The following VAV3 variants were observed in gnomAD, a reference collection of about 807,000 sequenced individuals.
VAV3 encodes guanine nucleotide exchange factor VAV3.
In VAV3, 94 loss-of-function variants were observed where a neutral mutation model predicts 131.2. The ratio of observed to expected loss-of-function variants is 0.72; its 90% CI spans 0.61 to 0.85. The LOEUF is 0.85. Ranked by LOEUF, VAV3 falls within the 40% of genes least tolerant of loss-of-function variation. The pLI is 0.00. For missense variants in VAV3, 939 were observed against 1,002.7 expected (o/e 0.94, Z 0.86); for synonymous variants, 349 against 342.0 (o/e 1.02, Z -0.22).
intron 3 of VAV3, chr1:107,777,892 A>G (rs1396001586): frequency 1.3e-5 from 2 of 152,448 alleles, no homozygotes; most frequent in Non-Finnish European, 2.9e-5. Context: ...AAATGAGTCA[A>G]CCAGACCTTG....
At chr1:107,804,440 CA>C (rs1376759893) in intron 2 of VAV3, among the ~76,000 whole-genome samples, 1 of 152,012 alleles carries the variant, frequency 6.6e-6, no homozygotes, top group African/African-American at 2.4e-5. Flanking sequence ...ATGAGGCTTA[CA>C]AAAAAATCTT....
chr1:107,587,715 C>T (rs1184243741), intron 25 of VAV3, among the ~76,000 whole-genome samples: 1 of 152,124 alleles, frequency 6.6e-6, no homozygotes, highest in Non-Finnish European at 1.5e-5. Context: ...CTCGGCCTCC[C>T]GAGTAGCTGG....
chr1:107,658,666 T>C (rs1171236383), intron 19 of VAV3, among the ~76,000 whole-genome samples: 4 of 152,208 alleles, frequency 2.6e-5, no homozygotes, highest in South Asian at 4.2e-4. Context: ...TGGTATCTTA[T>C]TGTGGTTTTG....
intron 11 of VAV3, among the ~76,000 whole-genome samples, chr1:107,756,378 T>C (rs1439303623): frequency 1.1e-4 from 17 of 152,164 alleles, no homozygotes; most frequent in Non-Finnish European, 2.5e-4. Context: ...AGTCTGACTT[T>C]TCATAGGATA....
intron 2 of VAV3, among the ~76,000 whole-genome samples, chr1:107,856,331 A>G (rs1391112155): frequency 6.6e-6 from 1 of 152,184 alleles, no homozygotes; most frequent in East Asian, 1.9e-4. Context: ...TAATATTCTT[A>G]GTAGTTGGGA....
At chr1:107,632,441 T>C (rs1221990261) in intron 20 of VAV3, among the ~76,000 whole-genome samples, 3 of 152,180 alleles carry the variant, frequency 2.0e-5, no homozygotes, top group Non-Finnish European at 2.9e-5. Context: ...ACCAAAGCCA[T>C]ATAGCTATTT....
chr1:107,725,467 C>A (rs1661784227), intron 15 of VAV3, among the ~76,000 whole-genome samples: 1 of 152,122 alleles, frequency 6.6e-6, no homozygotes, highest in Admixed American at 6.5e-5. Context: ...TAAGCATTTA[C>A]CGGCTTTTGA....
intron 13 of VAV3, among the ~76,000 whole-genome samples, chr1:107,750,099 A>G (rs911050040): frequency 3.9e-5 from 6 of 152,186 alleles, no homozygotes; most frequent in African/African-American, 1.4e-4. Context: ...CATTTTATTG[A>G]GGAGGAAACT....
chr1:107,741,375 C>T (rs1050672825), intron 15 of VAV3, among the ~76,000 whole-genome samples: 6 of 152,124 alleles, frequency 3.9e-5, no homozygotes, highest in Non-Finnish European at 7.4e-5. Context: ...GCACTCTGTC[C>T]GGCCTGACTA....
intron 1 of VAV3, among the ~76,000 whole-genome samples, chr1:107,886,001 C>T (rs1357791332): frequency 6.6e-6 from 1 of 152,092 alleles, no homozygotes; most frequent in East Asian, 1.9e-4. Flanking sequence ...AGTGGCTGAA[C>T]TGAACATCCA....
chr1:107,733,344 C>T (rs775114133), intron 15 of VAV3, among the ~76,000 whole-genome samples: 3 of 152,214 alleles, frequency 2.0e-5, no homozygotes, highest in African/African-American at 7.2e-5. Flanking sequence ...TCCAAAGGAT[C>T]GCAGCTCCTC....
At chr1:107,956,064 G>A (rs946834684) in intron 1 of VAV3, among the ~76,000 whole-genome samples, 8 of 152,222 alleles carry the variant, frequency 5.3e-5, no homozygotes, top group East Asian at 1.9e-4. Context: ...GAAGAGCATC[G>A]GGGTAAGAGT....
intron 15 of VAV3, among the ~76,000 whole-genome samples, chr1:107,711,844 C>T (rs534345667): frequency 2.6e-5 from 4 of 152,094 alleles, no homozygotes; most frequent in African/African-American, 9.6e-5. Flanking sequence ...CACTAGCATG[C>T]CTGGCCAATT....
intron 6 of VAV3, 28 bp from the exon 7 acceptor site, chr1:107,768,537 A>G (rs751817595): frequency 3.8e-6 from 6 of 1,564,896 alleles, no homozygotes; most frequent in South Asian, 1.1e-5. Context: ...GAAAATAGTA[A>G]TTAAGTATAA....
intron 2 of VAV3, among the ~76,000 whole-genome samples, chr1:107,822,718 G>A (rs902456165): frequency 4.6e-5 from 7 of 151,416 alleles, no homozygotes; most frequent in South Asian, 4.2e-4. Context: ...TGATCTCTTC[G>A]AAAAAATGGG....
intron 2 of VAV3, among the ~76,000 whole-genome samples, chr1:107,806,626 A>G (rs927688940): frequency 6.6e-6 from 1 of 152,156 alleles, no homozygotes; most frequent in African/African-American, 2.4e-5. Flanking sequence ...AATCCTCTAT[A>G]ATAAAGCACA....
At chr1:107,917,295 C>G (rs1672671571) in intron 1 of VAV3, among the ~76,000 whole-genome samples, 1 of 152,146 alleles carries the variant, frequency 6.6e-6, no homozygotes, top group South Asian at 2.1e-4. Flanking sequence ...AAATTACAGA[C>G]AGCTCACTCA....
intron 19 of VAV3, among the ~76,000 whole-genome samples, chr1:107,670,715 G>A (rs1657728324): frequency 6.6e-6 from 1 of 152,114 alleles, no homozygotes; most frequent in Admixed American, 6.6e-5. Flanking sequence ...GTCCCAAATA[G>A]GGATTTTTTT....
At chr1:107,917,458 T>C (rs1054286912) in intron 1 of VAV3, among the ~76,000 whole-genome samples, 2 of 152,224 alleles carry the variant, frequency 1.3e-5, no homozygotes, top group Non-Finnish European at 2.9e-5. Context: ...TTGGTCTATC[T>C]GACTCAGCTT....
Sources: allele counts gnomAD v4.1 joint callset (sites outside exome capture counted in the v4.1 genomes callset), GRCh38; gene constraint gnomAD v4.1.1; transcripts MANE v1.5; gene names NCBI Gene and HGNC (gene_info 2026-07-23, HGNC 2026-07-21).